PKNOX1: variants seen among roughly 807,000 people sequenced by gnomAD.
PKNOX1 encodes the protein PBX/knotted 1 homeobox 1.
In PKNOX1, 15 loss-of-function variants were observed where a neutral mutation model predicts 51.9. The observed-to-expected ratio is 0.29, with a 90% confidence interval of 0.19 to 0.45. The LOEUF is 0.45. Among genes scored for constraint, PKNOX1 ranks in the 20% least tolerant of loss-of-function variants. The probability of loss-of-function intolerance (pLI) is 1.00; values close to 1 mark genes in which losing one functional copy is unlikely to be tolerated. For missense variants in PKNOX1, 462 were observed against 547.5 expected, an observed-to-expected ratio of 0.84 and a Z score of 1.56; for synonymous variants, 219 against 211.1, an observed-to-expected ratio of 1.04 and a Z score of -0.32.
At chr21:43,026,712 G>A (rs918952420) in intron 9 of PKNOX1, among the ~76,000 whole-genome samples, 11 of 152,040 alleles carry the variant, frequency 7.2e-5, no homozygotes, top group Admixed American at 2.6e-4. Context: ...AGCCCAGATC[G>A]CACCATTGCA....
At chr21:43,014,332 A>G (rs1354910533) in intron 5 of PKNOX1, among the ~76,000 whole-genome samples, 1 of 148,462 alleles carries the variant, frequency 6.7e-6, no homozygotes, top group Non-Finnish European at 1.5e-5. Context: ...TCTTTTGCGC[A>G]TTTTTTAGTT....
At chr21:43,027,558 C>G (rs919995877) in intron 9 of PKNOX1, among the ~76,000 whole-genome samples, 1 of 152,158 alleles carries the variant, frequency 6.6e-6, no homozygotes, top group Admixed American at 6.5e-5. Context: ...AGCCTTTAAT[C>G]TTAATGTATT....
chr21:43,009,093 T>C (rs1979126358), intron 3 of PKNOX1, among the ~76,000 whole-genome samples: 1 of 152,284 alleles, frequency 6.6e-6, no homozygotes, highest in Admixed American at 6.5e-5. Flanking sequence ...GTCGGGCAGA[T>C]CACTTTAGGT....
At chr21:42,981,334 C>T (rs762842995) in intron 1 of PKNOX1, among the ~76,000 whole-genome samples, 3 of 152,232 alleles carry the variant, frequency 2.0e-5, no homozygotes, top group Non-Finnish European at 2.9e-5. Flanking sequence ...GGCCTGTTCC[C>T]GCCCTTGGCA....
intron 1 of PKNOX1, among the ~76,000 whole-genome samples, chr21:43,003,502 C>G (rs1207527840): frequency 2.6e-5 from 4 of 152,216 alleles, no homozygotes; most frequent in Non-Finnish European, 4.4e-5. Context: ...GCTGTTCCCT[C>G]TCTCTGAAAC....
chr21:42,996,345 C>G (rs759277930), intron 1 of PKNOX1, among the ~76,000 whole-genome samples: 1 of 152,088 alleles, frequency 6.6e-6, no homozygotes, highest in Non-Finnish European at 1.5e-5. Flanking sequence ...GAGGAAACAT[C>G]AGGGTGCAGG....
intron 1 of PKNOX1, among the ~76,000 whole-genome samples, chr21:42,988,640 C>T (rs944358851): frequency 4.6e-5 from 7 of 152,158 alleles, no homozygotes; most frequent in East Asian, 1.9e-4. Flanking sequence ...CGCTGGGACA[C>T]GCTTTGCTGA....
At chr21:42,979,809 T>C (rs2059017742) in intron 1 of PKNOX1, among the ~76,000 whole-genome samples, 1 of 152,224 alleles carries the variant, frequency 6.6e-6, no homozygotes. Context: ...CAGTGTGTTA[T>C]ACCACTACAG....
At chr21:42,989,095 G>C (rs772480837) in intron 1 of PKNOX1, among the ~76,000 whole-genome samples, 1 of 151,900 alleles carries the variant, frequency 6.6e-6, no homozygotes, top group Non-Finnish European at 1.5e-5. Context: ...TTTTCTGTTT[G>C]ATGTCTCTTT....
chr21:43,025,221 A>G (rs1217750464), intron 9 of PKNOX1, among the ~76,000 whole-genome samples: 1 of 152,200 alleles, frequency 6.6e-6, no homozygotes, highest in East Asian at 1.9e-4. Context: ...CAATGGGAGC[A>G]GGAGACTTAG....
At chr21:43,010,617 C>T (rs761456859) in intron 4 of PKNOX1, among the ~76,000 whole-genome samples, 1 of 151,748 alleles carries the variant, frequency 6.6e-6, no homozygotes, top group Non-Finnish European at 1.5e-5. Context: ...TTTGGGAGGC[C>T]GAGGTGGGCA....
At chr21:42,998,485 A>G (rs1418655098) in intron 1 of PKNOX1, among the ~76,000 whole-genome samples, 2 of 152,184 alleles carry the variant, frequency 1.3e-5, no homozygotes, top group Admixed American at 1.3e-4. Flanking sequence ...TCATTTCAGC[A>G]TTAACTTAAA....
rs576494720 is a variant in PKNOX1 at position 43,029,726 on chromosome 21, C to T, written c.1100-164C>T. Among the ~76,000 whole-genome samples, 10 of 152,220 alleles carry T rather than the reference C, an allele frequency of 6.6e-5. No individual in the cohort carries two copies. In the South Asian group the frequency reaches 1.7e-3, roughly 25 times the overall value. On this transcript the variant is annotated intron_variant, in intron 10 of 10. Coordinates refer to ENST00000291547, the MANE Select transcript of PKNOX1 (RefSeq NM_004571.5). Reference sequence around the variant, plus strand: ...GATTACAGGCATGAGCTACCGCGCCCGGCCCAGAAACAGTTTCTTAAATCC... The same window carrying T: ...GATTACAGGCATGAGCTACCGCGCCTGGCCCAGAAACAGTTTCTTAAATCC...
Position 43,004,205 on chromosome 21 carries a change from C to G in PKNOX1, c.-56-121C>G, listed in dbSNP as rs982662237. ...TGAGCCGAGATCGCGCCATTGCACTCCAGCCTGGGCAACAAGAGTGAAACT... is the reference window on the plus strand; with the variant it reads ...TGAGCCGAGATCGCGCCATTGCACTGCAGCCTGGGCAACAAGAGTGAAACT... On this transcript the variant is annotated intron_variant, in intron 1 of 10. Transcript: ENST00000291547. The G allele has an allele frequency of 1.8e-5, 9 of 505,048 alleles. 1 individual carries two copies. Among genetic ancestry groups the G allele is most frequent in the Middle Eastern group, 4.4e-4 (1 of 2,250 alleles). The allele number at this position is 505,048 out of a possible 1,614,324, so 31.3% of individuals were successfully genotyped here.
At chr21:42,993,314 C>T (rs1400836722) in intron 1 of PKNOX1, among the ~76,000 whole-genome samples, 2 of 152,130 alleles carry the variant, frequency 1.3e-5, no homozygotes, top group African/African-American at 2.4e-5. Flanking sequence ...ATGTCCGTCT[C>T]GCCTCCACAG....
At position 42,994,182 on chromosome 21, in the gene PKNOX1, A is replaced by G. The variant is rs369284781; in HGVS notation, c.-56-10144A>G. Reference sequence around the variant, plus strand: ...CAGCCTCTCAAGCAGCTGGGACTACAGACATGTGCCATCATGCCCAGCTAA... The same window carrying G: ...CAGCCTCTCAAGCAGCTGGGACTACGGACATGTGCCATCATGCCCAGCTAA... On this transcript the variant is annotated intron_variant, in intron 1 of 10. Coordinates refer to ENST00000291547, the MANE Select transcript of PKNOX1 (RefSeq NM_004571.5). Among the ~76,000 whole-genome samples the G allele has an allele frequency of 4.8e-5, 7 of 145,016 alleles. No individual in the cohort carries two copies. The South Asian group carries it at 6.8e-4, about 14-fold the overall frequency.
intron 1 of PKNOX1, among the ~76,000 whole-genome samples, chr21:42,993,126 G>A (rs1001553008): frequency 6.6e-6 from 1 of 152,042 alleles, no homozygotes; most frequent in African/African-American, 2.4e-5. Context: ...CACTAGGTCA[G>A]CCTGGATTGC....
chr21:42,997,358 G>A (rs371470937), intron 1 of PKNOX1, among the ~76,000 whole-genome samples: 4 of 152,172 alleles, frequency 2.6e-5, no homozygotes, highest in Admixed American at 1.3e-4. Flanking sequence ...GGAGCCTTAC[G>A]TTCCAGCAAC....
intron 7 of PKNOX1, among the ~76,000 whole-genome samples, chr21:43,019,508 G>A (rs911252954): frequency 6.6e-6 from 1 of 151,564 alleles, no homozygotes; most frequent in Non-Finnish European, 1.5e-5. Context: ...GTAGAATTCT[G>A]GGTTGAAAAT....
Sources: allele counts gnomAD v4.1 joint callset (sites outside exome capture counted in the v4.1 genomes callset), GRCh38; gene constraint gnomAD v4.1.1; transcripts MANE v1.5; gene names NCBI Gene and HGNC (gene_info 2026-07-23, HGNC 2026-07-21).